Variants in CASD1 observed in about 807,000 individuals in gnomAD.
CASD1 encodes the protein CAS1 domain sialic acid O acetyltransferase 1.
CASD1 carries 41 observed loss-of-function variants against 100.0 expected under a neutral mutation model. The ratio of observed to expected loss-of-function variants is 0.41; its 90% CI spans 0.32 to 0.53. The LOEUF (loss-of-function observed/expected upper bound fraction) is 0.53. CASD1 is among the 20% of genes least tolerant of loss of function. The pLI is 0.25. For missense variants in CASD1, 774 were observed against 948.7 expected (o/e 0.82, Z 2.42); for synonymous variants, 321 against 315.6 (o/e 1.02, Z -0.18).
At chr7:94,573,459 A>G in the CASD1 span, among the ~76,000 whole-genome samples, 1 of 152,092 alleles carries the variant, frequency 6.6e-6, no homozygotes. Flanking sequence ...GATTAGCTGT[A>G]TCTTAGGTAT....
chr7:94,517,756 T>A, intron 2 of CASD1, 100 bp downstream of exon 2: 1 of 710,288 alleles, frequency 1.4e-6, no homozygotes, highest in South Asian at 1.9e-5. Context: ...TATGTTGGGG[T>A]AGAGACTTGC....
At chr7:94,532,230 T>C (rs995613479) in intron 5 of CASD1, among the ~76,000 whole-genome samples, 3 of 152,146 alleles carry the variant, frequency 2.0e-5, no homozygotes, top group Admixed American at 2.0e-4. Context: ...CATACAAAAG[T>C]ATGATAAAGT....
At chr7:94,614,941 TG>T in the CASD1 span, among the ~76,000 whole-genome samples, 2 of 152,226 alleles carry the variant, frequency 1.3e-5, no homozygotes, top group African/African-American at 4.8e-5. Flanking sequence ...TTTGTTTTTT[TG>T]TTATAAAAAT....
intron 8 of CASD1, among the ~76,000 whole-genome samples, chr7:94,535,765 C>A (rs1795087177): frequency 6.6e-6 from 1 of 152,104 alleles, no homozygotes; most frequent in Non-Finnish European, 1.5e-5. Flanking sequence ...AATTAAACTT[C>A]ATTTACTGAG....
chr7:94,537,462 T>C lies in CASD1; in HGVS notation c.844-10T>C. 1 of 1,584,326 alleles carries C rather than the reference T, an allele frequency of 6.3e-7. No individual in the cohort carries two copies. Among genetic ancestry groups the C allele is most frequent in the Non-Finnish European group, 8.6e-7 (1 of 1,167,700 alleles). On this transcript the variant is annotated splice_polypyrimidine_tract_variant and intron_variant, in intron 8 of 17. Coordinates refer to ENST00000297273, the MANE Select transcript of CASD1 (RefSeq NM_022900.5). Reference sequence around the variant, plus strand: ...CAAGATAATAACCAAATAACTTGATTTGTTCACAGACTGCAATGATTCTTA... The same window carrying C: ...CAAGATAATAACCAAATAACTTGATCTGTTCACAGACTGCAATGATTCTTA...
At chr7:94,570,595 A>C in the CASD1 span, among the ~76,000 whole-genome samples, 1 of 152,006 alleles carries the variant, frequency 6.6e-6, no homozygotes, top group East Asian at 1.9e-4. Context: ...CCCAGGTTCA[A>C]GTGATTCTCC....
chr7:94,598,647 A>C, the CASD1 span: 5 of 774,734 alleles, frequency 6.5e-6, no homozygotes, highest in East Asian at 1.3e-4. Context: ...GATTTACACA[A>C]TGTCCTTTTG....
chr7:94,514,591 T>C (rs954702904), intron 1 of CASD1, among the ~76,000 whole-genome samples: 1 of 152,158 alleles, frequency 6.6e-6, no homozygotes, highest in African/African-American at 2.4e-5. Flanking sequence ...CAGTTTGTTT[T>C]TGTTTGTTTG....
intron 3 of CASD1, among the ~76,000 whole-genome samples, chr7:94,525,348 C>G (rs1278114653): frequency 4.6e-5 from 7 of 152,024 alleles, no homozygotes; most frequent in Non-Finnish European, 8.8e-5. Flanking sequence ...AAAGTATAAA[C>G]ACACAATTTA....
At chr7:94,573,356 T>C in the CASD1 span, among the ~76,000 whole-genome samples, 1 of 152,254 alleles carries the variant, frequency 6.6e-6, no homozygotes, top group Non-Finnish European at 1.5e-5. Context: ...TTCCCGTCCA[T>C]GAGCATGGGA....
chr7:94,510,933 A>G (rs1355706371), intron 1 of CASD1, among the ~76,000 whole-genome samples: 3 of 152,252 alleles, frequency 2.0e-5, no homozygotes, highest in Non-Finnish European at 4.4e-5. Context: ...TGACAGGCGT[A>G]AAGGTGGGCA....
chr7:94,618,837 G>A, the CASD1 span: 9 of 1,613,836 alleles, frequency 5.6e-6, no homozygotes, highest in Admixed American at 3.3e-5. Context: ...GCGTTCAGGC[G>A]CTCTGGCTGC....
At chr7:94,532,522 T>C (rs1439558523) in intron 5 of CASD1, among the ~76,000 whole-genome samples, 1 of 152,178 alleles carries the variant, frequency 6.6e-6, no homozygotes, top group Non-Finnish European at 1.5e-5. Flanking sequence ...CATGAGACTT[T>C]ATCATGTTAC....
At chr7:94,520,707 C>T (rs1272163366) in intron 3 of CASD1, among the ~76,000 whole-genome samples, 1 of 152,106 alleles carries the variant, frequency 6.6e-6, no homozygotes, top group Non-Finnish European at 1.5e-5. Context: ...CCTGTAATCC[C>T]AACACTTTGG....
chr7:94,592,299 A>G, the CASD1 span, among the ~76,000 whole-genome samples: 1 of 152,206 alleles, frequency 6.6e-6, no homozygotes, highest in Non-Finnish European at 1.5e-5. Flanking sequence ...TCTGCTAGTT[A>G]AGATGCAGAG....
the CASD1 span, among the ~76,000 whole-genome samples, chr7:94,593,199 A>G: frequency 1.3e-5 from 2 of 152,098 alleles, no homozygotes; most frequent in Non-Finnish European, 2.9e-5. Context: ...CTACTTTTAT[A>G]CTTGTTAATT....
At chr7:94,536,189 G>A (rs958463941) in intron 8 of CASD1, among the ~76,000 whole-genome samples, 4 of 152,146 alleles carry the variant, frequency 2.6e-5, no homozygotes, top group Non-Finnish European at 5.9e-5. Context: ...GTTGCAGTGA[G>A]CCAAGATCCC....
At position 94,528,286 on chromosome 7, in the gene CASD1, T is replaced by A. The variant is rs202044183; in HGVS notation, c.459+36T>A. 4.4e-4 allele frequency: 551 copies of A among 1,248,350 alleles called. 1 individual carries two copies. The highest frequency in any genetic ancestry group is 6.8e-4 in the Middle Eastern group (3 of 4,404). 77.3% of individuals were successfully genotyped at this position (1,248,350 alleles called of 1,614,324 possible). A position where few individuals can be genotyped will look rare whatever the true frequency, so the allele number is the denominator to read the frequency against. ...AAAAAACATAGGCTTTTTTTTTTTT[T>A]ATTTTTATTCCCTTTACACAAGCAT... On this transcript the variant is annotated intron_variant, in intron 5 of 17. Coordinates refer to ENST00000297273, the MANE Select transcript of CASD1 (RefSeq NM_022900.5).
chr7:94,563,236 C>T, the CASD1 span, among the ~76,000 whole-genome samples: 1 of 152,096 alleles, frequency 6.6e-6, no homozygotes, highest in Non-Finnish European at 1.5e-5. Context: ...ATACTACCTC[C>T]CTCCTTACCC....
Sources: gnomAD v4.1 joint callset for allele counts (sites outside exome capture counted in the v4.1 genomes callset) on GRCh38, gnomAD v4.1.1 for gene constraint, MANE v1.5 for transcripts, NCBI Gene and HGNC (gene_info 2026-07-23, HGNC 2026-07-21) for gene names.